The following EXT1 variants were observed in gnomAD, a reference collection of about 807,000 sequenced individuals.
EXT1 encodes exostosin-1.
EXT1 carries 20 observed loss-of-function variants against 82.5 expected under a neutral mutation model. The observed-to-expected ratio is 0.24, with a 90% CI of 0.17 to 0.35. The LOEUF is 0.35. Among genes scored for constraint, EXT1 ranks in the 10% least tolerant of loss-of-function variants. EXT1 has a pLI of 1.00. For missense variants in EXT1, 757 were observed against 936.5 expected (o/e 0.81, Z 2.50); for synonymous variants, 348 against 350.8 (o/e 0.99, Z 0.09).
intron 1 of EXT1, among the ~76,000 whole-genome samples, chr8:118,078,264 T>A (rs1586260567): frequency 6.6e-6 from 1 of 152,234 alleles, no homozygotes; most frequent in Non-Finnish European, 1.5e-5. Flanking sequence ...AGTGGCACAA[T>A]CTCCACTCAC....
At chr8:118,038,250 T>C (rs1344775771) in intron 1 of EXT1, among the ~76,000 whole-genome samples, 2 of 152,188 alleles carry the variant, frequency 1.3e-5, no homozygotes, top group Non-Finnish European at 2.9e-5. Flanking sequence ...ACAAAATATA[T>C]GAAAAGGCAA....
rs373645850 is a variant in EXT1, at chr8:117,906,748, A to G, written c.963-69547T>C. Among the ~76,000 whole-genome samples the G allele has an allele frequency of 5.9e-5, 9 of 152,206 alleles. No individual in the cohort carries two copies. In the East Asian group the frequency reaches 1.2e-3, roughly 20 times the overall value. Reference sequence around the variant, plus strand: ...ATTAAAAATGTCTTACAGGGAAAGCAGTTGTCTCCTTGGGAAAGAATGGTG... The same window carrying G: ...ATTAAAAATGTCTTACAGGGAAAGCGGTTGTCTCCTTGGGAAAGAATGGTG... On this transcript the variant is annotated intron_variant, in intron 1 of 10. Coordinates refer to ENST00000378204, the MANE Select transcript of EXT1 (RefSeq NM_000127.3).
At chr8:117,849,253 T>G (rs1283250635) in intron 1 of EXT1, among the ~76,000 whole-genome samples, 1 of 152,202 alleles carries the variant, frequency 6.6e-6, no homozygotes, top group East Asian at 1.9e-4. Context: ...TTTACCAAGG[T>G]CAGAATTCAC....
chr8:117,802,308 T>G lies in EXT1; in HGVS notation c.2056-2411A>C, dbSNP rs141577635. 5.2e-3 allele frequency among the ~76,000 whole-genome samples: 789 copies of G among 152,316 alleles called. 7 individuals carry two copies. The highest frequency in any genetic ancestry group is 0.018 in the African/African-American group (752 of 41,560). ...ACTTAGTGAGTGTTCTGAAGAACTC[T>G]GAGTAAAAAAATATTTTTAAAATGT... On this transcript the variant is annotated intron_variant, in intron 10 of 10. Transcript: ENST00000378204.
At chr8:117,896,977 C>T (rs1452356458) in intron 1 of EXT1, among the ~76,000 whole-genome samples, 2 of 152,144 alleles carry the variant, frequency 1.3e-5, no homozygotes, top group African/African-American at 4.8e-5. Flanking sequence ...CCTTCACCCC[C>T]ACTTGCTCAG....
intron 1 of EXT1, among the ~76,000 whole-genome samples, chr8:117,970,014 G>A (rs1465151934): frequency 6.6e-6 from 1 of 152,194 alleles, no homozygotes; most frequent in Non-Finnish European, 1.5e-5. Flanking sequence ...AAAAAGCCAT[G>A]AGAATTTTAA....
At chr8:117,882,098 T>C (rs1005177466) in intron 1 of EXT1, among the ~76,000 whole-genome samples, 1 of 152,220 alleles carries the variant, frequency 6.6e-6, no homozygotes, top group East Asian at 1.9e-4. Context: ...AATTTATTTA[T>C]TTAGACAGGT....
chr8:117,933,244 T>C (rs1334147548), intron 1 of EXT1, among the ~76,000 whole-genome samples: 2 of 151,642 alleles, frequency 1.3e-5, no homozygotes, highest in Non-Finnish European at 2.9e-5. Context: ...GTATTTTTTT[T>C]TTTTTTTTTT....
At chr8:117,904,975 A>G (rs921517616) in intron 1 of EXT1, among the ~76,000 whole-genome samples, 71 of 152,230 alleles carry the variant, frequency 4.7e-4, no homozygotes, top group Admixed American at 9.2e-4. Flanking sequence ...CAAGCTGGAC[A>G]TTTAAGATGT....
At chr8:117,913,481 T>C (rs776655258) in intron 1 of EXT1, among the ~76,000 whole-genome samples, 4 of 152,206 alleles carry the variant, frequency 2.6e-5, no homozygotes, top group Non-Finnish European at 4.4e-5. Flanking sequence ...GAGAATCTTC[T>C]TTCCTATTGT....
chr8:118,077,928 T>C (rs374514547), intron 1 of EXT1, among the ~76,000 whole-genome samples: 5 of 152,216 alleles, frequency 3.3e-5, no homozygotes, highest in African/African-American at 9.6e-5. Context: ...AATGCTTCTG[T>C]TATAATTTGA....
chr8:118,019,701 A>AT (rs1317075950), intron 1 of EXT1, among the ~76,000 whole-genome samples: 1 of 152,226 alleles, frequency 6.6e-6, no homozygotes, highest in East Asian at 1.9e-4. Flanking sequence ...GTCACACACA[A>AT]TTTTAAGCAC....
intron 1 of EXT1, among the ~76,000 whole-genome samples, chr8:117,956,093 T>C (rs757112476): frequency 2.4e-4 from 36 of 151,988 alleles, no homozygotes; most frequent in Non-Finnish European, 3.5e-4. Flanking sequence ...GCCTCTGCCA[T>C]CTATTTTAAG....
chr8:117,853,081 T>C lies in EXT1; in HGVS notation c.963-15880A>G, dbSNP rs576476468. Among the ~76,000 whole-genome samples the C allele has an allele frequency of 5.8e-4, 88 of 152,300 alleles. 1 individual carries two copies. The highest frequency in any genetic ancestry group is 2.1e-3 in the African/African-American group (86 of 41,552). On this transcript the variant is annotated intron_variant, in intron 1 of 10. Coordinates refer to ENST00000378204, the MANE Select transcript of EXT1 (RefSeq NM_000127.3). ...TGCTTTGAGCAGTGCTGACAGTAGA[T>C]GCAAAAGTCATCAAGAAATTTAAAG...
intron 1 of EXT1, among the ~76,000 whole-genome samples, chr8:117,909,007 C>G (rs1227198862): frequency 1.3e-5 from 2 of 151,858 alleles, no homozygotes; most frequent in Non-Finnish European, 2.9e-5. Flanking sequence ...TTGTACGCGC[C>G]TGTAATCCCA....
At chr8:117,979,774 A>G (rs1327869703) in intron 1 of EXT1, among the ~76,000 whole-genome samples, 1 of 152,232 alleles carries the variant, frequency 6.6e-6, no homozygotes, top group Non-Finnish European at 1.5e-5. Context: ...GCACTGCAAT[A>G]GAACAGAATG....
At chr8:118,005,641 T>A (rs1026373403) in intron 1 of EXT1, among the ~76,000 whole-genome samples, 1 of 152,222 alleles carries the variant, frequency 6.6e-6, no homozygotes, top group Non-Finnish European at 1.5e-5. Context: ...GAGCCAGGAT[T>A]TAAAACTGGC....
intron 9 of EXT1, 47 bp from the exon 10 acceptor site, chr8:117,804,940 T>C (rs372019303): frequency 8.2e-6 from 13 of 1,593,690 alleles, no homozygotes; most frequent in Non-Finnish European, 1.1e-5. Flanking sequence ...TATCACATGA[T>C]GACAAGTGGA....
chr8:118,000,739 G>C (rs1457231222), intron 1 of EXT1, among the ~76,000 whole-genome samples: 2 of 152,174 alleles, frequency 1.3e-5, no homozygotes, highest in Non-Finnish European at 2.9e-5. Flanking sequence ...TTCCCTAGTA[G>C]CTGTAACTAG....
Sources: gnomAD v4.1 joint callset for allele counts (sites outside exome capture counted in the v4.1 genomes callset) on GRCh38, gnomAD v4.1.1 for gene constraint, MANE v1.5 for transcripts, NCBI Gene and HGNC (gene_info 2026-07-23, HGNC 2026-07-21) for gene names.